The following MTMR7 variants were observed in gnomAD, a reference collection of about 807,000 sequenced individuals.
MTMR7 encodes the protein phosphatidylinositol-3-phosphate phosphatase MTMR7.
A neutral mutation model predicts 81.2 loss-of-function variants in MTMR7; 76 were observed. The ratio of observed to expected loss-of-function variants is 0.94; its 90% confidence interval spans 0.78 to 1.13. MTMR7 has a LOEUF of 1.13. MTMR7 is among the 50% of genes most tolerant of loss of function. The probability of loss-of-function intolerance (pLI) is 0.00; values close to 1 mark genes in which losing one functional copy is unlikely to be tolerated. For synonymous variants in MTMR7, 372 were observed against 289.8 expected, an observed-to-expected ratio of 1.28 and a Z score of -2.88; for missense variants, 1,044 against 820.0, an observed-to-expected ratio of 1.27 and a Z score of -3.34.
chr8:17,384,626 A>G (rs1308458601), intron 1 of MTMR7, among the ~76,000 whole-genome samples: 1 of 152,218 alleles, frequency 6.6e-6, no homozygotes, highest in Non-Finnish European at 1.5e-5. Flanking sequence ...CAAATTCTCC[A>G]AACAATGTAG....
chr8:17,331,137 G>A lies in MTMR7; in HGVS notation c.865+13C>T. ...AACTGCATTTTAATGCTGTGCATAA[G>A]GAAATGGTTTACCTTCCAGCATTTT... On this transcript the variant is annotated intron_variant, in intron 7 of 13. Coordinates refer to ENST00000180173, the MANE Select transcript of MTMR7 (RefSeq NM_004686.5). 6.2e-7 allele frequency: 1 copy of A among 1,607,536 alleles called. No homozygotes were observed. Among genetic ancestry groups the A allele is most frequent in the East Asian group, 2.2e-5 (1 of 44,526 alleles).
chr8:17,307,002 C>T (rs914027700), intron 10 of MTMR7, among the ~76,000 whole-genome samples: 12 of 152,248 alleles, frequency 7.9e-5, no homozygotes, highest in Middle Eastern at 3.4e-3. Flanking sequence ...GTCTAAAACA[C>T]CAAAAGCAAT....
intron 1 of MTMR7, among the ~76,000 whole-genome samples, chr8:17,390,453 G>A (rs951757681): frequency 9.2e-5 from 14 of 152,108 alleles, no homozygotes; most frequent in African/African-American, 1.4e-4. Context: ...AGGCCCAACC[G>A]CTAACATTGG....
intron 12 of MTMR7, among the ~76,000 whole-genome samples, 188 bp downstream of exon 12, chr8:17,304,191 A>C (rs901817310): frequency 2.0e-5 from 3 of 152,190 alleles, no homozygotes; most frequent in African/African-American, 7.2e-5. Context: ...CACATTTAGG[A>C]GGAATAAAGA....
intron 4 of MTMR7, among the ~76,000 whole-genome samples, chr8:17,359,860 A>C (rs1016639996): frequency 1.3e-5 from 2 of 152,216 alleles, no homozygotes; most frequent in Admixed American, 1.3e-4. Context: ...GAGAATTCAT[A>C]GACATTGGTA....
At chr8:17,335,170 G>A (rs1298296740) in intron 6 of MTMR7, among the ~76,000 whole-genome samples, 1 of 152,158 alleles carries the variant, frequency 6.6e-6, no homozygotes, top group Non-Finnish European at 1.5e-5. Context: ...AGAGAGGGAT[G>A]GGCACGGAAA....
At chr8:17,331,024 A>G in intron 7 of MTMR7, 126 bp downstream of exon 7, 1 of 1,148,100 alleles carries the variant, frequency 8.7e-7, no homozygotes, top group Non-Finnish European at 1.2e-6. Context: ...AAGCCACTGT[A>G]ACATGATATT....
chr8:17,340,727 T>A (rs1480985075), intron 6 of MTMR7, among the ~76,000 whole-genome samples: 1 of 152,224 alleles, frequency 6.6e-6, no homozygotes, highest in Non-Finnish European at 1.5e-5. Context: ...AATACATACA[T>A]AATTGTAAAC....
chr8:17,385,718 C>T (rs2150574879), intron 1 of MTMR7, among the ~76,000 whole-genome samples: 1 of 152,250 alleles, frequency 6.6e-6, no homozygotes, highest in South Asian at 2.1e-4. Flanking sequence ...GGTACAGCAC[C>T]TACCCTGTCT....
chr8:17,401,094 T>G (rs186780341), intron 1 of MTMR7, among the ~76,000 whole-genome samples: 60 of 152,246 alleles, frequency 3.9e-4, no homozygotes, highest in Admixed American at 8.5e-4. Flanking sequence ...ATACGGAATG[T>G]ATGCATGTGT....
chr8:17,334,761 G>T (rs1262224838), intron 6 of MTMR7, among the ~76,000 whole-genome samples: 3 of 152,206 alleles, frequency 2.0e-5, no homozygotes, highest in Non-Finnish European at 4.4e-5. Context: ...CACCAGGACT[G>T]GGCAAGAGCT....
At chr8:17,387,254 A>G (rs1019384533) in intron 1 of MTMR7, among the ~76,000 whole-genome samples, 4 of 152,282 alleles carry the variant, frequency 2.6e-5, no homozygotes, top group African/African-American at 4.8e-5. Context: ...TCCTCTACCA[A>G]TATCTATTTA....
In MTMR7 at chr8:17,350,898, C is replaced by A. The variant is rs116618292; in HGVS notation, c.469-1817G>T. On this transcript the variant is annotated intron_variant, in intron 4 of 13. Transcript: ENST00000180173. The stretch of plus-strand genomic sequence containing the variant: ...AAGATTACCAAAGAGTTTAACATGG[C>A]CTGTGGCACTGACACTCTAAAGGAA... Among the ~76,000 whole-genome samples, 605 of 152,282 alleles carry A rather than the reference C, an allele frequency of 4.0e-3. 7 individuals carry two copies. The highest frequency in any genetic ancestry group is 0.014 in the African/African-American group (576 of 41,546).
intron 7 of MTMR7, among the ~76,000 whole-genome samples, chr8:17,324,274 C>T (rs1431323728): frequency 1.3e-5 from 2 of 152,310 alleles, no homozygotes; most frequent in East Asian, 3.9e-4. Context: ...AGATGAGCGT[C>T]TGCGATAAAT....
chr8:17,384,077 G>A lies in MTMR7; in HGVS notation c.25-10837C>T, dbSNP rs187566670. 2.0e-5 allele frequency among the ~76,000 whole-genome samples: 3 copies of A among 152,262 alleles called. No homozygotes were observed. The East Asian group carries it at 5.8e-4, about 29-fold the overall frequency. The stretch of plus-strand genomic sequence containing the variant: ...CATCTGTAACTAACTGCATGTGTGA[G>A]AGAGGGGAAAAAAGCATACATCTCA... On this transcript the variant is annotated intron_variant, in intron 1 of 13. Transcript: ENST00000180173.
rs185453382 is a variant in MTMR7, at chr8:17,343,545, A to G, written c.598-2048T>C. On this transcript the variant is annotated intron_variant, in intron 5 of 13. Transcript: ENST00000180173. The stretch of plus-strand genomic sequence containing the variant: ...ATGACGAGAATTTGAGAACACACAC[A>G]CCAGACCTCACTAAAGCAGTGAGAC... Among the ~76,000 whole-genome samples the G allele has an allele frequency of 8.5e-5, 13 of 152,314 alleles. No individual in the cohort carries two copies. The East Asian group carries it at 2.1e-3, about 25-fold the overall frequency.
intron 1 of MTMR7, among the ~76,000 whole-genome samples, chr8:17,402,753 T>C (rs1007401418): frequency 6.6e-5 from 10 of 152,212 alleles, no homozygotes; most frequent in African/African-American, 2.2e-4. Context: ...GACATACTCA[T>C]ATATAACCAG....
rs3213602 is a variant in MTMR7 at position 17,331,081 on chromosome 8, T to C, written c.865+69A>G. On this transcript the variant is annotated intron_variant, in intron 7 of 13. Coordinates refer to ENST00000180173, the MANE Select transcript of MTMR7 (RefSeq NM_004686.5). ...TGTAAAAACATTTTAAAATCAAGAC[T>C]ATCTTATTCCCTTTTGGCATCAAAA... 3.0e-4 allele frequency: 451 copies of C among 1,524,034 alleles called. 5 individuals are homozygous for C. In the East Asian group the frequency reaches 9.2e-3, roughly 31 times the overall value. The allele number at this position is 1,524,034 out of a possible 1,614,324, so 94.4% of individuals were successfully genotyped here.
chr8:17,370,042 C>A (rs1216640353), intron 3 of MTMR7, among the ~76,000 whole-genome samples: 1 of 151,994 alleles, frequency 6.6e-6, no homozygotes, highest in East Asian at 1.9e-4. Context: ...AGCTATAAAT[C>A]CGAAGAGCCC....
Sources: gnomAD v4.1 joint callset for allele counts (sites outside exome capture counted in the v4.1 genomes callset) on GRCh38, gnomAD v4.1.1 for gene constraint, MANE v1.5 for transcripts, NCBI Gene and HGNC (gene_info 2026-07-23, HGNC 2026-07-21) for gene names.